ATP4A: variants seen among roughly 807,000 people sequenced by gnomAD.
The protein encoded by ATP4A is potassium-transporting ATPase alpha chain 1.
Under a neutral mutation model 112.1 loss-of-function variants are expected in ATP4A, and 73 were observed. The observed-to-expected ratio is 0.65, with a 90% CI of 0.54 to 0.79. The LOEUF is 0.79. Among genes scored for constraint, ATP4A ranks in the 30% least tolerant of loss-of-function variants. The pLI is 0.00. For synonymous variants in ATP4A, 588 were observed against 588.9 expected (o/e 1.00, Z 0.02); for missense variants, 1,081 against 1,425.9 (o/e 0.76, Z 3.90).
At chr19:35,562,316 C>T in intron 4 of ATP4A, 119 bp downstream of exon 4, 1 of 1,228,978 alleles carries the variant, frequency 8.1e-7, no homozygotes, top group Non-Finnish European at 1.1e-6. Flanking sequence ...TGTCTTGAGA[C>T]TGCCTTTCGT....
Position 35,560,342 on chromosome 19 carries a change from G to T in ATP4A, c.787+21C>A, listed in dbSNP as rs765725549. 1.2e-6 allele frequency: 2 copies of T among 1,610,994 alleles called. No individual in the cohort carries two copies. On this transcript the variant is annotated intron_variant, in intron 6 of 21. Coordinates refer to ENST00000262623, the MANE Select transcript of ATP4A (RefSeq NM_000704.3). The surrounding 1 kb of genome is among the most constrained non-coding windows in gnomAD (Gnocchi z 5.1). ...AGTGGAGGCAGCAGTTACTGGGCAG[G>T]CAGGCGGGGGCTTCACAGACCCTCA...
In ATP4A at chr19:35,558,409, A is replaced by G. The variant is rs775306673; in HGVS notation, c.1453T>C (p.Phe485Leu). 1 of 1,611,100 alleles carries G rather than the reference A, an allele frequency of 6.2e-7. No homozygotes were observed. Among genetic ancestry groups the G allele is most frequent in the East Asian group, 2.2e-5 (1 of 44,750 alleles). ...AAGGGTATCTCGCAGACTTTTGGGA[A>G]GCGGTCCCGGTAGCCCATGGCGTTG... is the stretch of plus-strand genomic sequence containing the variant. ...LGNAMGYRDR[F>L]PKVCEIPFNS... The change falls in exon 10 of 22, where the codon TTC becomes CTC. Residue 485 changes from phenylalanine to leucine, a missense_variant. Physicochemically the swap from Phe to Leu is conservative, Grantham distance 22. This residue lies in a region of ATP4A where 850 missense variants were observed against 1,068.2 expected (regional missense o/e 0.80). Coordinates refer to ENST00000262623, the MANE Select transcript of ATP4A (RefSeq NM_000704.3). This position sits in a 1 kb window ranked among gnomAD's most constrained non-coding sequence, Gnocchi z 5.1.
At position 35,559,150 on chromosome 19, in the gene ATP4A, G is replaced by A. The variant is rs759112633; in HGVS notation, c.1098C>T (p.Asn366=). 1 of 1,614,058 alleles carries A rather than the reference G, an allele frequency of 6.2e-7. No individual in the cohort carries two copies. Among genetic ancestry groups the A allele is most frequent in the African/African-American group, 1.3e-5 (1 of 74,932 alleles). The change falls in exon 8 of 22, where the codon AAC becomes AAT. Residue 366 remains asparagine (N), a synonymous_variant. Transcript: ENST00000262623. The surrounding 1 kb of genome is among the most constrained non-coding windows in gnomAD (Gnocchi z 4.1). The part of the protein sequence containing the change: ...SLTAKRLASK[N]CVVKNLEAVE... Reference sequence around the variant, plus strand: ...CCGCCTCCAGGTTCTTGACCACGCAGTTCTTACTGGCCAGGCGCTTGGCTG... The same window carrying A: ...CCGCCTCCAGGTTCTTGACCACGCAATTCTTACTGGCCAGGCGCTTGGCTG...
chr19:35,557,243 T>G lies in ATP4A; in HGVS notation c.1694-155A>C, dbSNP rs1160338409. On this transcript the variant is annotated intron_variant, in intron 11 of 21. Transcript: ENST00000262623. The surrounding 1 kb of genome is among the most constrained non-coding windows in gnomAD (Gnocchi z 4.4). ...TCACTCACATTATCTGAATCTACCC[T>G]CACAACCACCCTGTGAGGCCCATTC... Among the ~76,000 whole-genome samples the G allele has an allele frequency of 1.3e-5, 2 of 152,026 alleles. No homozygotes were observed. The highest frequency in any genetic ancestry group is 2.9e-5 in the Non-Finnish European group (2 of 67,988).
Position 35,558,389 on chromosome 19 carries a change from T to C in ATP4A, c.1473A>G (p.Ile491Met). 1 of 1,611,352 alleles carries C rather than the reference T, an allele frequency of 6.2e-7. No homozygotes were observed. The highest frequency in any genetic ancestry group is 8.5e-7 in the Non-Finnish European group (1 of 1,178,996). Reference protein sequence around the residue: ...YRDRFPKVCEIPFNSTNKFQL... With the variant: ...YRDRFPKVCEMPFNSTNKFQL... ...GGAACTTGTTGGTGGAGTTGAAGGGTATCTCGCAGACTTTTGGGAAGCGGT... is the reference window on the plus strand; with the variant it reads ...GGAACTTGTTGGTGGAGTTGAAGGGCATCTCGCAGACTTTTGGGAAGCGGT... Residue 491 changes from isoleucine to methionine, a missense_variant, in exon 10 of 22, where the codon ATA becomes ATG. Coordinates refer to ENST00000262623, the MANE Select transcript of ATP4A (RefSeq NM_000704.3). This position sits in a 1 kb window ranked among gnomAD's most constrained non-coding sequence, Gnocchi z 5.1.
rs1220176390 is a variant in ATP4A at position 35,551,719 on chromosome 19, G to A, written c.2752-139C>T. ...CTGCCTTGCATCAGAGTGTGGGGGT[G>A]GGGGGAAGGAGAGAGGCAGGGTCTG... On this transcript the variant is annotated intron_variant, in intron 18 of 21. Transcript: ENST00000262623. This position sits in a 1 kb window ranked among gnomAD's most constrained non-coding sequence, Gnocchi z 5.2. 55 of 1,170,056 alleles carry A rather than the reference G, an allele frequency of 4.7e-5. No homozygotes were observed. The highest frequency in any genetic ancestry group is 7.3e-5 in the South Asian group (5 of 68,252). The allele number at this position is 1,170,056 out of a possible 1,614,324, so 72.5% of individuals were successfully genotyped here.
At chr19:35,554,202 G>A (rs1014572668) in intron 16 of ATP4A, among the ~76,000 whole-genome samples, 3 of 150,934 alleles carry the variant, frequency 2.0e-5, no homozygotes, top group Non-Finnish European at 4.4e-5. Context: ...CAGTGTCGCC[G>A]TGCCCCTTCA....
chr19:35,554,868 C>T lies in ATP4A; in HGVS notation c.2481+54G>A. 3.1e-6 allele frequency: 5 copies of T among 1,609,468 alleles called. No homozygotes were observed. In the East Asian group the frequency reaches 1.1e-4, roughly 36 times the overall value. On this transcript the variant is annotated intron_variant, in intron 16 of 21. Coordinates refer to ENST00000262623, the MANE Select transcript of ATP4A (RefSeq NM_000704.3). ...GGTCTCTGTCCCTCCTGTCCATCTG[C>T]AAGCAAGTGTCTCTGGGCACCCTGT...
chr19:35,556,284 T>C (rs770164707), intron 12 of ATP4A, among the ~76,000 whole-genome samples: 11 of 151,084 alleles, frequency 7.3e-5, no homozygotes, highest in Non-Finnish European at 1.2e-4. Context: ...TGCAGAGGAG[T>C]GAACAAGGAA....
At chr19:35,562,341 A>T in intron 4 of ATP4A, 94 bp downstream of exon 4, 2 of 1,425,554 alleles carry the variant, frequency 1.4e-6, no homozygotes, top group Non-Finnish European at 1.9e-6. Flanking sequence ...GTCTATCCCC[A>T]TCCTTCTCTG....
In ATP4A at chr19:35,550,387, CA is replaced by C. The variant is rs1600140265; in HGVS notation, c.*227del. The C allele has an allele frequency of 1.7e-6, 1 of 601,574 alleles. No homozygotes were observed. The allele number at this position is 601,574 out of a possible 1,614,324, so 37.3% of individuals were successfully genotyped here. A position where few individuals can be genotyped will look rare whatever the true frequency, so the allele number is the denominator to read the frequency against. ...GGTGGCGGCTTTCCCGAGGCCAGCCCAGAGGACTGCCCAGGCGCTGCTGCTC... is the reference window on the plus strand; with the variant it reads ...GGTGGCGGCTTTCCCGAGGCCAGCCCGAGGACTGCCCAGGCGCTGCTGCTC... On this transcript the variant is annotated 3_prime_UTR_variant, in exon 22 of 22. Coordinates refer to ENST00000262623, the MANE Select transcript of ATP4A (RefSeq NM_000704.3). The surrounding 1 kb of genome is among the most constrained non-coding windows in gnomAD (Gnocchi z 4.1).
intron 16 of ATP4A, among the ~76,000 whole-genome samples, chr19:35,554,250 C>T (rs776900413): frequency 2.0e-5 from 3 of 151,964 alleles, no homozygotes; most frequent in Non-Finnish European, 2.9e-5. Flanking sequence ...GCATACTGAC[C>T]ACGACCACAG....
intron 17 of ATP4A, 57 bp downstream of exon 17, chr19:35,553,649 C>A: frequency 1.3e-6 from 2 of 1,588,672 alleles, no homozygotes; most frequent in Non-Finnish European, 8.6e-7. Flanking sequence ...CTGGGGCAGG[C>A]GAGCAGCCCA....
intron 18 of ATP4A, among the ~76,000 whole-genome samples, chr19:35,552,036 ATT>A (rs1226619798): frequency 6.6e-6 from 1 of 152,004 alleles, no homozygotes; most frequent in East Asian, 1.9e-4. Flanking sequence ...TATGCAGCCC[ATT>A]TCTTCAACAC....
chr19:35,562,152 G>A (rs185185837), intron 4 of ATP4A, among the ~76,000 whole-genome samples: 63 of 152,088 alleles, frequency 4.1e-4, no homozygotes, highest in African/African-American at 1.4e-3. Context: ...TTACACGCCC[G>A]GCCTCCAAAT....
rs1020540278 is a variant in ATP4A, at chr19:35,550,230, G to A, written c.*385C>T. 60 of 273,338 alleles carry A rather than the reference G, an allele frequency of 2.2e-4. No individual in the cohort carries two copies. The highest frequency in any genetic ancestry group is 6.4e-5 in the Non-Finnish European group (9 of 141,568). 16.9% of individuals were successfully genotyped at this position (273,338 alleles called of 1,614,324 possible). On this transcript the variant is annotated 3_prime_UTR_variant, in exon 22 of 22. Transcript: ENST00000262623. The surrounding 1 kb of genome is among the most constrained non-coding windows in gnomAD (Gnocchi z 4.1). ...AGCATGAGCTGGTTTTATTACCATC[G>A]CCCAGGACACAAGCGTGTCTTTAAC...
chr19:35,551,102 G>C lies in ATP4A; in HGVS notation c.2895C>G (p.Ile965Met). ...CCTGGAACACGATGGCGATCACCAG[G>C]ATCTTATTCCTGGGGGTGGGCAGAA... ...AFQQGFFRNK[I>M]LVIAIVFQVC... is the part of the protein sequence containing the mutation. Residue 965 changes from isoleucine to methionine, a missense_variant, in exon 20 of 22, where the codon ATC becomes ATG. By Grantham distance (10) the Ile-to-Met change is conservative (BLOSUM62 1). Around this residue, in one of 3 missense-constraint regions of ATP4A, gnomAD observed 219 missense variants for 320.9 expected, o/e 0.68. Coordinates refer to ENST00000262623, the MANE Select transcript of ATP4A (RefSeq NM_000704.3). The surrounding 1 kb of genome is among the most constrained non-coding windows in gnomAD (Gnocchi z 5.2). The C allele has an allele frequency of 6.2e-7, 1 of 1,608,780 alleles. No homozygotes were observed. The highest frequency in any genetic ancestry group is 8.5e-7 in the Non-Finnish European group (1 of 1,177,498).
chr19:35,553,283 G>T, intron 17 of ATP4A, 101 bp from the exon 18 acceptor site: 2 of 1,375,020 alleles, frequency 1.5e-6, no homozygotes, highest in Non-Finnish European at 2.0e-6. Flanking sequence ...ATACACAAAG[G>T]TCAAGGACAC....
chr19:35,550,993 C>T lies in ATP4A; in HGVS notation c.2987+17G>A, dbSNP rs375269377. 1 of 1,613,296 alleles carries T rather than the reference C, an allele frequency of 6.2e-7. No individual in the cohort carries two copies. The highest frequency in any genetic ancestry group is 1.3e-5 in the African/African-American group (1 of 75,044). On this transcript the variant is annotated intron_variant, in intron 20 of 21. Transcript: ENST00000262623. The surrounding 1 kb of genome is among the most constrained non-coding windows in gnomAD (Gnocchi z 4.1). ...CCTACAGCCCCCTCCCTGTCCTTGC[C>T]CCTCACAGCCTCTCACCGAATGGGC...
Sources: gnomAD v4.1 joint callset for allele counts (sites outside exome capture counted in the v4.1 genomes callset) on GRCh38, gnomAD v4.1.1 for gene constraint, gnomAD v4.1.1 regional missense constraint, Gnocchi (gnomAD v3.1) non-coding constraint, MANE v1.5 for transcripts, NCBI Gene and HGNC (gene_info 2026-07-23, HGNC 2026-07-21) for gene names.